PRKN: variants seen among roughly 807,000 people sequenced by gnomAD.
PRKN encodes E3 ubiquitin-protein ligase parkin.
PRKN carries 56 observed loss-of-function variants against 59.5 expected under a neutral mutation model. The ratio of observed to expected loss-of-function variants is 0.94; its 90% CI spans 0.76 to 1.18. PRKN has a LOEUF of 1.18. Ranked by LOEUF, PRKN falls within the 50% of genes most tolerant of loss-of-function variation. The pLI is 0.00. For missense variants in PRKN, 657 were observed against 596.4 expected, an observed-to-expected ratio of 1.10 and a Z score of -1.06; for synonymous variants, 250 against 222.1, an observed-to-expected ratio of 1.13 and a Z score of -1.12.
At chr6:162,429,420 G>A (rs556829270) in intron 2 of PRKN, among the ~76,000 whole-genome samples, 3 of 152,296 alleles carry the variant, frequency 2.0e-5, no homozygotes, top group Admixed American at 1.3e-4. Flanking sequence ...AGCAGTGAAA[G>A]AGGAACTCAA....
At position 161,835,151 on chromosome 6, in the gene PRKN, G is replaced by A. The variant is rs183631081; in HGVS notation, c.735-49243C>T. Among the ~76,000 whole-genome samples, 286 of 152,284 alleles carry A rather than the reference G, an allele frequency of 1.9e-3. 1 individual carries two copies. The highest frequency in any genetic ancestry group is 3.4e-3 in the Middle Eastern group (1 of 294). ...ATTCTTTAAAATCTGAAATACGACA[G>A]GAGTTAAATATGCTCTAAGGAAAAG... On this transcript the variant is annotated intron_variant, in intron 6 of 11. Transcript: ENST00000366898.
chr6:162,139,533 G>A lies in PRKN; in HGVS notation c.534+61598C>T, dbSNP rs528505206. ...CTGCAGGGTAAAGAGAATCAGCATG[G>A]CAGTATGATGGAAACACACCCATAG... On this transcript the variant is annotated intron_variant, in intron 4 of 11. Coordinates refer to ENST00000366898, the MANE Select transcript of PRKN (RefSeq NM_004562.3). Among the ~76,000 whole-genome samples the A allele has an allele frequency of 5.3e-5, 8 of 152,198 alleles. No homozygotes were observed. In the South Asian group the frequency reaches 1.0e-3, roughly 20 times the overall value.
In PRKN at chr6:161,560,506, C is replaced by A. The variant is rs1023957035; in HGVS notation, c.933+8849G>T. On this transcript the variant is annotated intron_variant, in intron 8 of 11. Coordinates refer to ENST00000366898, the MANE Select transcript of PRKN (RefSeq NM_004562.3). The surrounding 1 kb of genome is among the most constrained non-coding windows in gnomAD (Gnocchi z 4.9). ...CATTCTTGAAGACTGTAGCTTCAGG[C>A]TGTTCTCACCTTTTCTCCGATTCTT... 6.6e-6 allele frequency among the ~76,000 whole-genome samples: 1 copy of A among 152,178 alleles called. No homozygotes were observed. Among genetic ancestry groups the A allele is most frequent in the African/African-American group, 2.4e-5 (1 of 41,452 alleles).
rs148774696 is a variant in PRKN, at chr6:161,878,766, T to C, written c.735-92858A>G. ...ATACTATATTTGTCCATCTTACTAC[T>C]GATGAACATATTTGTGAGATTTCCA... On this transcript the variant is annotated intron_variant, in intron 6 of 11. Coordinates refer to ENST00000366898, the MANE Select transcript of PRKN (RefSeq NM_004562.3). Among the ~76,000 whole-genome samples, 256 of 152,318 alleles carry C rather than the reference T, an allele frequency of 1.7e-3. 2 individuals are homozygous for C. The highest frequency in any genetic ancestry group is 5.8e-3 in the African/African-American group (241 of 41,572).
chr6:161,577,237 C>T (rs1411351164), intron 7 of PRKN, among the ~76,000 whole-genome samples: 1 of 152,194 alleles, frequency 6.6e-6, no homozygotes, highest in Non-Finnish European at 1.5e-5. Flanking sequence ...TTTTTATCCC[C>T]ATTTTAAAGA....
chr6:162,281,346 C>G (rs1002653110), intron 2 of PRKN, among the ~76,000 whole-genome samples: 2 of 151,864 alleles, frequency 1.3e-5, no homozygotes, highest in Admixed American at 1.3e-4. Flanking sequence ...AGCAAACCAC[C>G]ATGGCACATG....
intron 9 of PRKN, among the ~76,000 whole-genome samples, chr6:161,485,668 A>T (rs944092494): frequency 3.3e-5 from 5 of 152,208 alleles, no homozygotes; most frequent in Admixed American, 6.5e-5. Context: ...AGAAATCAAA[A>T]TTTTTTTGGA....
chr6:162,020,545 A>T (rs1420287475), intron 5 of PRKN, among the ~76,000 whole-genome samples: 4 of 152,140 alleles, frequency 2.6e-5, no homozygotes, highest in Non-Finnish European at 5.9e-5. Context: ...GTTCTTTCAC[A>T]ATTTCAAAGC....
At chr6:162,063,381 T>C (rs1241573212) in intron 4 of PRKN, among the ~76,000 whole-genome samples, 1 of 152,146 alleles carries the variant, frequency 6.6e-6, no homozygotes, top group Non-Finnish European at 1.5e-5. Flanking sequence ...ACATCATTAA[T>C]AACAGGGAAA....
At chr6:162,420,348 T>G (rs1158847277) in intron 2 of PRKN, among the ~76,000 whole-genome samples, 3 of 152,192 alleles carry the variant, frequency 2.0e-5, no homozygotes, top group Non-Finnish European at 2.9e-5. Flanking sequence ...TTAATCACAT[T>G]GAATCCTTTG....
At chr6:162,436,605 C>T (rs1000220478) in intron 2 of PRKN, among the ~76,000 whole-genome samples, 31 of 141,312 alleles carry the variant, frequency 2.2e-4, no homozygotes, top group Admixed American at 1.1e-3. Flanking sequence ...CCACTGTGCC[C>T]GATCTGGCTC....
intron 6 of PRKN, among the ~76,000 whole-genome samples, chr6:161,850,468 T>TG (rs1793380872): frequency 6.8e-6 from 1 of 146,190 alleles, no homozygotes; most frequent in Admixed American, 7.1e-5. Flanking sequence ...CCCGGCTACT[T>TG]GGGAGGCTGA....
intron 1 of PRKN, 141 bp downstream of exon 1, chr6:162,727,521 G>T: frequency 1.1e-6 from 1 of 933,332 alleles, no homozygotes. Flanking sequence ...GCCCGGCGGC[G>T]CGGGCCGGGG....
At chr6:161,827,470 A>T (rs989286417) in intron 6 of PRKN, among the ~76,000 whole-genome samples, 2 of 151,832 alleles carry the variant, frequency 1.3e-5, no homozygotes, top group African/African-American at 4.8e-5. Flanking sequence ...TTAGACTAGA[A>T]ATTAGGGCTC....
chr6:162,445,824 A>G (rs1790291207), intron 1 of PRKN, among the ~76,000 whole-genome samples: 1 of 151,958 alleles, frequency 6.6e-6, no homozygotes, highest in South Asian at 2.1e-4. Flanking sequence ...GTACAAATAA[A>G]TAAAAGCTCC....
chr6:161,605,730 G>A (rs1226587060), intron 7 of PRKN, among the ~76,000 whole-genome samples: 3 of 151,998 alleles, frequency 2.0e-5, no homozygotes, highest in African/African-American at 4.8e-5. Context: ...GGCTGGTCTC[G>A]AACCCCTGGC....
Position 161,378,711 on chromosome 6 carries a change from T to C in PRKN, c.1167+8083A>G, listed in dbSNP as rs1257064751. On this transcript the variant is annotated intron_variant, in intron 10 of 11. Coordinates refer to ENST00000366898, the MANE Select transcript of PRKN (RefSeq NM_004562.3). The surrounding 1 kb of genome is among the most constrained non-coding windows in gnomAD (Gnocchi z 7.3). ...GAAGCTGTTGACCTGATGAGACGGA[T>C]GGACCAGGCTTGCACGATGCCGCTG... Among the ~76,000 whole-genome samples the C allele has an allele frequency of 6.6e-6, 1 of 152,204 alleles. No individual in the cohort carries two copies. Among genetic ancestry groups the C allele is most frequent in the African/African-American group, 2.4e-5 (1 of 41,458 alleles).
chr6:161,354,653 G>A lies in PRKN; in HGVS notation c.1286-4442C>T, dbSNP rs1047456059. Among the ~76,000 whole-genome samples, 1 of 152,124 alleles carries A rather than the reference G, an allele frequency of 6.6e-6. No individual in the cohort carries two copies. The highest frequency in any genetic ancestry group is 1.5e-5 in the Non-Finnish European group (1 of 68,032). ...ATTTCAGCTTCTCTGAGGGAGGAAG[G>A]GCATTCCTGAAACACAGCTGAGTAT... is the stretch of plus-strand genomic sequence containing the variant. On this transcript the variant is annotated intron_variant, in intron 11 of 11. Coordinates refer to ENST00000366898, the MANE Select transcript of PRKN (RefSeq NM_004562.3). The surrounding 1 kb of genome is among the most constrained non-coding windows in gnomAD (Gnocchi z 6.7).
intron 2 of PRKN, among the ~76,000 whole-genome samples, chr6:162,389,225 G>A (rs1787035545): frequency 1.3e-5 from 2 of 151,982 alleles, no homozygotes. Context: ...ACATATAGGA[G>A]CCCAAATAGC....
Sources: allele counts gnomAD v4.1 joint callset (sites outside exome capture counted in the v4.1 genomes callset), GRCh38; gene constraint gnomAD v4.1.1; non-coding constraint Gnocchi (gnomAD v3.1); transcripts MANE v1.5; gene names NCBI Gene and HGNC (gene_info 2026-07-23, HGNC 2026-07-21).